CCR5AS: variants seen among roughly 807,000 people sequenced by gnomAD.
CCR5AS encodes the protein CCR5 antisense RNA.
chr3:46,387,040 A>T (rs986464099), intron 2 of CCR5AS, among the ~76,000 whole-genome samples: 1 of 152,168 alleles, frequency 6.6e-6, no homozygotes, highest in Non-Finnish European at 1.5e-5. Flanking sequence ...TGAGAGAGAG[A>T]TAAAGAAAGA....
chr3:46,396,901 G>A (rs1262368290), intron 1 of CCR5AS, among the ~76,000 whole-genome samples: 4 of 152,150 alleles, frequency 2.6e-5, no homozygotes, highest in Non-Finnish European at 5.9e-5. Context: ...AAAATAGTCT[G>A]GCATTTGGTT....
chr3:46,374,415 T>C (rs1701723685), intron 2 of CCR5AS: 1 of 168,298 alleles, frequency 5.9e-6, no homozygotes, highest in African/African-American at 2.4e-5. Context: ...TGTCTTGCTA[T>C]GGGGAGAAAA....
chr3:46,405,722 A>C (rs1702038488), intron 1 of CCR5AS, among the ~76,000 whole-genome samples: 1 of 152,168 alleles, frequency 6.6e-6, no homozygotes, highest in Non-Finnish European at 1.5e-5. Flanking sequence ...TCTGCCATCA[A>C]ACATCATTGT....
At chr3:46,395,804 C>T (rs1021965457) in intron 1 of CCR5AS, among the ~76,000 whole-genome samples, 1 of 152,100 alleles carries the variant, frequency 6.6e-6, no homozygotes, top group African/African-American at 2.4e-5. Context: ...AGGACAGGAC[C>T]AGCCTCTGAA....
At chr3:46,383,412 C>T (rs1242249615) in intron 2 of CCR5AS, among the ~76,000 whole-genome samples, 1 of 152,280 alleles carries the variant, frequency 6.6e-6, no homozygotes. Flanking sequence ...CAAGGAAGAG[C>T]AAGTAGGAAT....
intron 2 of CCR5AS, among the ~76,000 whole-genome samples, chr3:46,386,131 G>C (rs1051267557): frequency 2.0e-5 from 3 of 151,932 alleles, no homozygotes; most frequent in Non-Finnish European, 4.4e-5. Context: ...CCCCAGGCTG[G>C]TCTTGAACTC....
intron 1 of CCR5AS, among the ~76,000 whole-genome samples, chr3:46,396,438 C>A (rs1397018677): frequency 6.6e-6 from 1 of 152,180 alleles, no homozygotes; most frequent in Admixed American, 6.5e-5. Flanking sequence ...CATTTTCTAT[C>A]ATTCAGAGTA....
chr3:46,394,550 G>T (rs750568343), intron 1 of CCR5AS, among the ~76,000 whole-genome samples: 1 of 152,028 alleles, frequency 6.6e-6, no homozygotes, highest in Non-Finnish European at 1.5e-5. Context: ...ACTCTCTCAA[G>T]CCTCCCCAGT....
At chr3:46,381,864 A>G (rs2106761518) in intron 2 of CCR5AS, among the ~76,000 whole-genome samples, 1 of 152,332 alleles carries the variant, frequency 6.6e-6, no homozygotes, top group Non-Finnish European at 1.5e-5. Context: ...AGCTTGGGCA[A>G]GTGACTTAAC....
intron 1 of CCR5AS, among the ~76,000 whole-genome samples, chr3:46,396,308 G>T (rs1701961430): frequency 6.6e-6 from 1 of 151,946 alleles, no homozygotes; most frequent in Non-Finnish European, 1.5e-5. Flanking sequence ...GTCCCCAGCA[G>T]CATAGTTTAA....
Position 46,373,452 on chromosome 3 carries a change from T to C in CCR5AS, n.392-2035A>G, listed in dbSNP as rs775750898. 6.2e-6 allele frequency: 10 copies of C among 1,614,002 alleles called. No individual in the cohort carries two copies. The South Asian group carries it at 1.1e-4, about 18-fold the overall frequency. Reference sequence around the variant, plus strand: ...TTACACCTGCAGCTCTCATTTTCCATACAGTCAGTATCAATTCTGGAAGAA... The same window carrying C: ...TTACACCTGCAGCTCTCATTTTCCACACAGTCAGTATCAATTCTGGAAGAA... On this transcript the variant is annotated intron_variant and non_coding_transcript_variant, in intron 2 of 3. Transcript: ENST00000451485.
At chr3:46,388,154 A>G (rs748142008) in intron 2 of CCR5AS, among the ~76,000 whole-genome samples, 103 of 152,154 alleles carry the variant, frequency 6.8e-4, no homozygotes, top group Non-Finnish European at 1.2e-3. Flanking sequence ...AATAAGAAAA[A>G]CAAAACAAAA....
intron 2 of CCR5AS, among the ~76,000 whole-genome samples, chr3:46,388,841 G>C (rs1041047145): frequency 2.0e-5 from 3 of 152,210 alleles, no homozygotes; most frequent in African/African-American, 7.2e-5. Flanking sequence ...TAAAAGTAAA[G>C]AATAGAACTT....
At chr3:46,389,507 T>G (rs1308096363) in intron 2 of CCR5AS, among the ~76,000 whole-genome samples, 1 of 152,162 alleles carries the variant, frequency 6.6e-6, no homozygotes, top group Non-Finnish European at 1.5e-5. Flanking sequence ...GAATTTCCTG[T>G]CTAGCCTGCT....
chr3:46,368,808 G>A (rs1405275542), intron 3 of CCR5AS, among the ~76,000 whole-genome samples: 1 of 152,148 alleles, frequency 6.6e-6, no homozygotes, highest in Admixed American at 6.5e-5. Context: ...CCCTCTGGGG[G>A]TGAGTATGTC....
rs149737987 is a variant in CCR5AS at position 46,384,087 on chromosome 3, A to G, written n.391+8738T>C. 7.8e-4 allele frequency among the ~76,000 whole-genome samples: 119 copies of G among 152,366 alleles called. 2 individuals carry two copies. The Middle Eastern group carries it at 0.01, about 13-fold the overall frequency. On this transcript the variant is annotated intron_variant and non_coding_transcript_variant, in intron 2 of 3. Coordinates refer to ENST00000451485, the Ensembl canonical transcript of CCR5AS. ...ATAGGCAAAAGAAAGAGAAAAAAGA[A>G]TAGCTCTCTTGCCTGCACAGAGAGA...
At chr3:46,373,702 A>T in intron 2 of CCR5AS, 1 of 1,614,156 alleles carries the variant, frequency 6.2e-7, no homozygotes, top group Non-Finnish European at 8.5e-7. Context: ...TTTGGCCTGA[A>T]TAATTGCAGT....
At chr3:46,376,774 G>A (rs1701763978) in intron 2 of CCR5AS, among the ~76,000 whole-genome samples, 1 of 152,214 alleles carries the variant, frequency 6.6e-6, no homozygotes, top group Admixed American at 6.5e-5. Context: ...AGGTGCTACA[G>A]GTGGAGGGGA....
chr3:46,373,217 A>T (rs1222302418), intron 2 of CCR5AS: 3 of 1,614,190 alleles, frequency 1.9e-6, no homozygotes, highest in Non-Finnish European at 2.5e-6. Flanking sequence ...AACTCTTGAC[A>T]GGGCTCTATT....
Sources: allele counts gnomAD v4.1 joint callset (sites outside exome capture counted in the v4.1 genomes callset), GRCh38; gene constraint gnomAD v4.1.1; transcripts MANE v1.5; gene names NCBI Gene and HGNC (gene_info 2026-07-23, HGNC 2026-07-21).